SRGAP3: variants seen among roughly 807,000 people sequenced by gnomAD.
SRGAP3 encodes the protein SLIT-ROBO Rho GTPase activating protein 3.
A neutral mutation model predicts 121.1 loss-of-function variants in SRGAP3; 39 were observed. The observed-to-expected ratio is 0.32, with a 90% CI of 0.25 to 0.42. SRGAP3 has a LOEUF of 0.42. Among genes scored for constraint, SRGAP3 ranks in the 10% least tolerant of loss-of-function variants. The pLI is 1.00. For missense variants in SRGAP3, 1,213 were observed against 1,470.6 expected (o/e 0.82, Z 2.86); for synonymous variants, 601 against 570.0 (o/e 1.05, Z -0.77).
At chr3:9,190,620 G>A (rs140564283) in intron 1 of SRGAP3, among the ~76,000 whole-genome samples, 12 of 152,292 alleles carry the variant, frequency 7.9e-5, no homozygotes, top group Admixed American at 2.6e-4. Flanking sequence ...CTCAACAACT[G>A]TTTTAGGGCA....
intron 1 of SRGAP3, among the ~76,000 whole-genome samples, chr3:9,220,427 T>C (rs868259136): frequency 3.9e-5 from 6 of 152,308 alleles, no homozygotes; most frequent in South Asian, 4.1e-4. Context: ...AGATGAAGCC[T>C]CCTCTGCAGC....
At chr3:9,299,312 G>A (rs1312693220) in intron 3 of SRGAP3, among the ~76,000 whole-genome samples, 6 of 143,738 alleles carry the variant, frequency 4.2e-5, no homozygotes, top group African/African-American at 1.6e-4. Context: ...AGTGAGCCAA[G>A]ATCGCGCCAC....
chr3:9,000,301 G>T (rs1445086565), intron 18 of SRGAP3, among the ~76,000 whole-genome samples: 1 of 152,202 alleles, frequency 6.6e-6, no homozygotes, highest in Non-Finnish European at 1.5e-5. Flanking sequence ...AAAATGTGGG[G>T]GTTCTATCAA....
intron 1 of SRGAP3, among the ~76,000 whole-genome samples, chr3:9,158,460 A>T (rs112632530): frequency 2.0e-5 from 3 of 152,330 alleles, no homozygotes; most frequent in African/African-American, 7.2e-5. Flanking sequence ...ATATTCCCTG[A>T]GGTTCACATA....
Position 9,112,720 on chromosome 3 carries a change from G to T in SRGAP3, c.261-7878C>A, listed in dbSNP as rs575466002. 4.6e-5 allele frequency among the ~76,000 whole-genome samples: 7 copies of T among 152,228 alleles called. No homozygotes were observed. In the South Asian group the frequency reaches 1.5e-3, roughly 32 times the overall value. On this transcript the variant is annotated intron_variant, in intron 2 of 21. Transcript: ENST00000383836. ...TATTTCTCCTCCTGGATGCCTCCCT[G>T]GCCACCCACACACCCTATGTCACAC...
intron 1 of SRGAP3, among the ~76,000 whole-genome samples, chr3:9,233,633 A>G (rs1472421509): frequency 6.6e-6 from 1 of 152,222 alleles, no homozygotes; most frequent in African/African-American, 2.4e-5. Flanking sequence ...GGTTCTGTCT[A>G]GATCCTAAAG....
intron 3 of SRGAP3, among the ~76,000 whole-genome samples, chr3:9,260,460 TG>T (rs1954230641): frequency 6.6e-6 from 1 of 152,096 alleles, no homozygotes; most frequent in Non-Finnish European, 1.5e-5. Flanking sequence ...GAGCTTGGTG[TG>T]GGGAGGGGCG....
At chr3:9,171,873 G>A (rs952121276) in intron 1 of SRGAP3, among the ~76,000 whole-genome samples, 2 of 151,992 alleles carry the variant, frequency 1.3e-5, no homozygotes, top group African/African-American at 2.4e-5. Flanking sequence ...GGTGCTTGTC[G>A]GTGGGGTTGG....
chr3:9,323,370 T>C (rs1955467492), intron 3 of SRGAP3, among the ~76,000 whole-genome samples: 1 of 151,946 alleles, frequency 6.6e-6, no homozygotes, highest in Admixed American at 6.5e-5. Context: ...ATTTGGAAAA[T>C]ACTGTGTTAA....
chr3:8,996,059 T>C (rs180922092), intron 18 of SRGAP3, among the ~76,000 whole-genome samples: 102 of 152,346 alleles, frequency 6.7e-4, no homozygotes, highest in African/African-American at 2.3e-3. Context: ...CATTTTTTAG[T>C]TGTGTGACCT....
chr3:9,040,585 T>C (rs1944967217), intron 10 of SRGAP3, among the ~76,000 whole-genome samples: 1 of 152,048 alleles, frequency 6.6e-6, no homozygotes, highest in Non-Finnish European at 1.5e-5. Context: ...ATTTTATTTA[T>C]TTTAGACTCT....
intron 3 of SRGAP3, among the ~76,000 whole-genome samples, chr3:9,291,912 C>T (rs959524055): frequency 1.3e-5 from 2 of 152,086 alleles, no homozygotes; most frequent in African/African-American, 4.8e-5. Flanking sequence ...GTTCTATTGC[C>T]AGCCAAAGCC....
At chr3:9,088,243 C>CACAGGGAGTGTGTGG (rs1416662000) in intron 3 of SRGAP3, among the ~76,000 whole-genome samples, 2 of 152,160 alleles carry the variant, frequency 1.3e-5, no homozygotes, top group African/African-American at 4.8e-5. Flanking sequence ...TTCCTTCATG[C>CACAGGGAGTGTGTGG]ACAGGGAGTG....
rs1013803600 is a variant in SRGAP3, at chr3:9,109,821, G to T, written c.261-4979C>A. ...AGTTTCACAGGGAGGAGCCTTCAAA[G>T]GGGAGAAATGTGATGAGCAAAGGCC... On this transcript the variant is annotated intron_variant, in intron 2 of 21. Transcript: ENST00000383836. This position sits in a 1 kb window ranked among gnomAD's most constrained non-coding sequence, Gnocchi z 4.4. 3.3e-5 allele frequency among the ~76,000 whole-genome samples: 5 copies of T among 152,158 alleles called. No homozygotes were observed. The highest frequency in any genetic ancestry group is 7.3e-5 in the Non-Finnish European group (5 of 68,028).
At chr3:9,095,077 C>A (rs1187794554) in intron 3 of SRGAP3, among the ~76,000 whole-genome samples, 2 of 152,056 alleles carry the variant, frequency 1.3e-5, no homozygotes, top group African/African-American at 4.8e-5. Context: ...CATATCCGGC[C>A]TAAATTTCAC....
chr3:9,245,245 C>T (rs1953777519), intron 1 of SRGAP3, among the ~76,000 whole-genome samples: 1 of 152,190 alleles, frequency 6.6e-6, no homozygotes. Context: ...TAGTGACTGC[C>T]CATTTAGACA....
chr3:9,136,406 C>CG (rs1949661256), intron 1 of SRGAP3, among the ~76,000 whole-genome samples: 1 of 150,364 alleles, frequency 6.7e-6, no homozygotes, highest in East Asian at 2.0e-4. Flanking sequence ...CCCCCCCCCC[C>CG]CCGACCGCCC....
At chr3:9,046,347 C>T (rs963205420) in intron 10 of SRGAP3, among the ~76,000 whole-genome samples, 1 of 147,284 alleles carries the variant, frequency 6.8e-6, no homozygotes, top group Non-Finnish European at 1.5e-5. Context: ...GCTCTACCCC[C>T]TGATTTGGGT....
intron 1 of SRGAP3, among the ~76,000 whole-genome samples, chr3:9,354,302 C>T (rs2030363985): frequency 2.0e-5 from 3 of 152,192 alleles, no homozygotes; most frequent in South Asian, 4.1e-4. Flanking sequence ...CAGTCCTTGC[C>T]TCTCTCTGCA....
Sources: allele counts gnomAD v4.1 joint callset (sites outside exome capture counted in the v4.1 genomes callset), GRCh38; gene constraint gnomAD v4.1.1; non-coding constraint Gnocchi (gnomAD v3.1); transcripts MANE v1.5; gene names NCBI Gene and HGNC (gene_info 2026-07-23, HGNC 2026-07-21).